Variants in FAM149A observed in about 807,000 individuals in gnomAD.
The protein encoded by FAM149A is protein FAM149A.
FAM149A carries 71 observed loss-of-function variants against 78.2 expected under a neutral mutation model. That is an observed-to-expected ratio of 0.91 (90% CI 0.75 to 1.11). FAM149A has a LOEUF of 1.11. FAM149A is among the 50% of genes least tolerant of loss of function. FAM149A has a pLI of 0.00. For synonymous variants in FAM149A, 446 were observed against 410.5 expected, an observed-to-expected ratio of 1.09 and a Z score of -1.04; for missense variants, 1,036 against 971.0, an observed-to-expected ratio of 1.07 and a Z score of -0.89.
In FAM149A at chr4:186,111,934, A is replaced by G. The variant is rs1225861043; in HGVS notation, c.566+6292A>G. 3.7e-3 allele frequency among the ~76,000 whole-genome samples: 558 copies of G among 151,520 alleles called. 3 individuals carry two copies. The highest frequency in any genetic ancestry group is 0.013 in the African/African-American group (539 of 40,980). ...GTAGTTTTTTCCAATTCTGTGAAGAAAGTCATTGGTAGCTTTATGGGGATG... is the reference window on the plus strand; with the variant it reads ...GTAGTTTTTTCCAATTCTGTGAAGAGAGTCATTGGTAGCTTTATGGGGATG... On this transcript the variant is annotated intron_variant, in intron 1 of 13. Coordinates refer to ENST00000389354, the MANE Select transcript of FAM149A (RefSeq NM_001367768.3).
intron 1 of FAM149A, among the ~76,000 whole-genome samples, chr4:186,140,539 C>T (rs537660953): frequency 2.0e-5 from 3 of 149,380 alleles, no homozygotes; most frequent in African/African-American, 7.5e-5. Flanking sequence ...CCTGACTTGG[C>T]GTCCCAAGGT....
At position 186,149,405 on chromosome 4, in the gene FAM149A, G is replaced by A. The variant is rs774105585; in HGVS notation, c.677+122G>A. 1.9e-5 allele frequency: 21 copies of A among 1,109,360 alleles called. No individual in the cohort carries two copies. The East Asian group carries it at 4.7e-4, about 25-fold the overall frequency. The allele number at this position is 1,109,360 out of a possible 1,614,324, so 68.7% of individuals were successfully genotyped here. A position where few individuals can be genotyped will look rare whatever the true frequency, so the allele number is the denominator to read the frequency against. On this transcript the variant is annotated intron_variant, in intron 2 of 13. Transcript: ENST00000389354. ...GATGCAGTTTTATTTTTAACCTAGT[G>A]TAAACATCACACTGTAAAAATATTT...
chr4:186,135,724 T>C (rs1293279231), intron 1 of FAM149A, among the ~76,000 whole-genome samples: 1 of 152,178 alleles, frequency 6.6e-6, no homozygotes, highest in African/African-American at 2.4e-5. Context: ...TCGGCAGCTT[T>C]AGCACAGCAC....
intron 1 of FAM149A, chr4:186,116,640 C>A (rs149349775): frequency 1.0e-6 from 1 of 971,222 alleles, no homozygotes; most frequent in Non-Finnish European, 1.2e-6. Flanking sequence ...TGTCACCAGG[C>A]TGGCTGGAGG....
At chr4:186,158,634 C>G in intron 8 of FAM149A, 1 of 243,044 alleles carries the variant, frequency 4.1e-6, no homozygotes, top group South Asian at 1.3e-4. Context: ...CCCCTGCACA[C>G]ACTGCCGCCC....
At chr4:186,157,924 T>C (rs1734196967) in intron 8 of FAM149A, 3 of 1,531,396 alleles carry the variant, frequency 2.0e-6, no homozygotes, top group African/African-American at 1.4e-5. Flanking sequence ...GTCCTGCCTA[T>C]GAAGGACGAG....
At chr4:186,160,418 A>T (rs893776621) in intron 8 of FAM149A, among the ~76,000 whole-genome samples, 3 of 145,500 alleles carry the variant, frequency 2.1e-5, no homozygotes, top group Non-Finnish European at 4.5e-5. Flanking sequence ...CCCCCCACAT[A>T]AACACACCAC....
At chr4:186,105,693 C>T (rs1327422153) in intron 1 of FAM149A, 51 bp downstream of exon 1, 2 of 1,021,066 alleles carry the variant, frequency 2.0e-6, no homozygotes, top group South Asian at 3.1e-5. Flanking sequence ...GGACCCCCGA[C>T]CCCTCCGCCT....
chr4:186,171,458 C>T (rs1735522264), intron 13 of FAM149A, among the ~76,000 whole-genome samples: 1 of 152,070 alleles, frequency 6.6e-6, no homozygotes, highest in Non-Finnish European at 1.5e-5. Flanking sequence ...CCTTTGCGTC[C>T]AGGTCAAAAA....
At chr4:186,157,173 C>T (rs1192019131) in intron 7 of FAM149A, among the ~76,000 whole-genome samples, 1 of 151,528 alleles carries the variant, frequency 6.6e-6, no homozygotes, top group Non-Finnish European at 1.5e-5. Flanking sequence ...ACAAAATATT[C>T]TCTAAACTTA....
chr4:186,158,273 C>T, intron 8 of FAM149A: 4 of 1,229,334 alleles, frequency 3.3e-6, no homozygotes, highest in Non-Finnish European at 4.1e-6. Context: ...CCCAGGCGAC[C>T]ACCAGCCTCT....
intron 5 of FAM149A, among the ~76,000 whole-genome samples, 172 bp downstream of exon 5, chr4:186,153,942 T>C (rs1248827499): frequency 6.6e-6 from 1 of 152,230 alleles, no homozygotes; most frequent in African/African-American, 2.4e-5. Flanking sequence ...TCTGAATTGA[T>C]GATAGGTGTA....
At position 186,151,962 on chromosome 4, in the gene FAM149A, G is replaced by C; in HGVS notation, c.849G>C (p.Met283Ile). 3 of 1,614,198 alleles carry C rather than the reference G, an allele frequency of 1.9e-6. No homozygotes were observed. Residue 283 changes from methionine (M) to isoleucine (I), a missense_variant, in exon 4 of 14, where the codon ATG becomes ATC. Coordinates refer to ENST00000389354, the MANE Select transcript of FAM149A (RefSeq NM_001367768.3). ...GGTTACTCTGGGAGGTGGAGGAAAT[G>C]TTATTTGAAGGGAAAGTGAACCCTC...
intron 1 of FAM149A, chr4:186,116,537 C>T: frequency 1.0e-6 from 1 of 985,258 alleles, no homozygotes; most frequent in Non-Finnish European, 1.2e-6. Context: ...CAATTTTGTT[C>T]TGTCTTATGC....
At position 186,153,737 on chromosome 4, in the gene FAM149A, T is replaced by G. The variant is rs1733799838; in HGVS notation, c.1025T>G (p.Leu342Arg). ...GCCTCCGCAGTCCACAGACCCCCGC[T>G]CAGTGCCTGCGGACACAGCAGCAAC... Residue 342 changes from leucine to arginine, a missense_variant, in exon 5 of 14, where the codon CTC becomes CGC. Around this residue, in one of 3 missense-constraint regions of FAM149A, gnomAD observed 716 missense variants for 711.8 expected, o/e 1.01. Transcript: ENST00000389354. 6.2e-7 allele frequency: 1 copy of G among 1,613,362 alleles called. No homozygotes were observed. Among genetic ancestry groups the G allele is most frequent in the Non-Finnish European group, 8.5e-7 (1 of 1,179,534 alleles).
intron 4 of FAM149A, among the ~76,000 whole-genome samples, chr4:186,152,918 G>A (rs1357188107): frequency 2.0e-5 from 3 of 152,224 alleles, no homozygotes; most frequent in Admixed American, 6.5e-5. Context: ...GAGTTCCTGT[G>A]GATTCTGTCT....
chr4:186,145,136 C>A, intron 1 of FAM149A: 1 of 985,630 alleles, frequency 1.0e-6, no homozygotes, highest in Non-Finnish European at 1.2e-6. Flanking sequence ...GGCAGCAGGG[C>A]TCGCCTTCTG....
At chr4:186,152,686 A>G (rs1733691230) in intron 4 of FAM149A, among the ~76,000 whole-genome samples, 1 of 151,582 alleles carries the variant, frequency 6.6e-6, no homozygotes, top group South Asian at 2.1e-4. Flanking sequence ...CTGGGACTAC[A>G]GGCACCTGCC....
At chr4:186,158,476 G>T in intron 8 of FAM149A, 1 of 1,109,148 alleles carries the variant, frequency 9.0e-7, no homozygotes. Context: ...GTCCACGCCT[G>T]ACCTCTGCTT....
Sources: gnomAD v4.1 joint callset for allele counts (sites outside exome capture counted in the v4.1 genomes callset) on GRCh38, gnomAD v4.1.1 for gene constraint, gnomAD v4.1.1 regional missense constraint, MANE v1.5 for transcripts, NCBI Gene and HGNC (gene_info 2026-07-23, HGNC 2026-07-21) for gene names.